Variants in FAM193A observed in about 807,000 individuals in gnomAD.
FAM193A encodes protein FAM193A.
A neutral mutation model predicts 126.5 loss-of-function variants in FAM193A; 22 were observed. The observed-to-expected ratio is 0.17, with a 90% CI of 0.12 to 0.25. The LOEUF is 0.25. Among genes scored for constraint, FAM193A ranks in the 10% least tolerant of loss-of-function variants. The pLI is 1.00. For synonymous variants in FAM193A, 761 were observed against 646.8 expected (o/e 1.18, Z -2.68); for missense variants, 1,675 against 1,672.8 (o/e 1.00, Z -0.02).
intron 14 of FAM193A, among the ~76,000 whole-genome samples, chr4:2,689,948 G>A (rs2857862): frequency 2.6e-5 from 4 of 152,214 alleles, no homozygotes; most frequent in Admixed American, 1.3e-4. Context: ...CCGTCAGCCC[G>A]GTGAGCCACA....
intron 13 of FAM193A, among the ~76,000 whole-genome samples, chr4:2,680,576 G>A (rs916511609): frequency 2.0e-5 from 3 of 151,958 alleles, no homozygotes; most frequent in African/African-American, 7.3e-5. Context: ...GGCTAAAGCA[G>A]TCCTACTACC....
chr4:2,535,496 A>G (rs1007555661), upstream of FAM193A, among the ~76,000 whole-genome samples: 1 of 152,138 alleles, frequency 6.6e-6, no homozygotes, highest in Non-Finnish European at 1.5e-5. Context: ...GGAACCAAAA[A>G]GGGGAAATCA....
rs766632159 is a variant in FAM193A, at chr4:2,608,742, A to G, written c.501+12413A>G. ...AGAAGAGAGGTGGGATGGCTGAGAC[A>G]TTTTTGCATAGACCTGCAAGGGGAC... On this transcript the variant is annotated intron_variant, in intron 2 of 20. Transcript: ENST00000637812. Among the ~76,000 whole-genome samples, 70 of 152,038 alleles carry G rather than the reference A, an allele frequency of 4.6e-4. 1 individual carries two copies. The highest frequency in any genetic ancestry group is 8.1e-4 in the Non-Finnish European group (55 of 68,006).
At position 2,646,758 on chromosome 4, in the gene FAM193A, G is replaced by A. The variant is rs201570058; in HGVS notation, c.1237G>A (p.Glu413Lys). Residue 413 changes from glutamate (E) to lysine (K), a missense_variant, in exon 7 of 21, where the codon GAG becomes AAG. By Grantham distance (56) the Glu-to-Lys change is moderately conservative. Around this residue, in one of 4 missense-constraint regions of FAM193A, gnomAD observed 1,186 missense variants for 1,109.2 expected, o/e 1.07. Coordinates refer to ENST00000637812, the MANE Select transcript of FAM193A (RefSeq NM_001366318.2). ...CTTGCTGCAGAGGTACCAGCGTTCC[G>A]AGGAGGAGCTGCGCAGAGTCGCCGA... ...STLLQRYQRS[E>K]EELRRVAEEW... The A allele has an allele frequency of 4.6e-5, 74 of 1,614,104 alleles. No individual in the cohort carries two copies. Among genetic ancestry groups the A allele is most frequent in the Middle Eastern group, 1.7e-4 (1 of 6,060 alleles).
At chr4:2,608,125 G>C (rs1293981453) in intron 2 of FAM193A, 23 of 1,606,114 alleles carry the variant, frequency 1.4e-5, no homozygotes, top group Non-Finnish European at 1.6e-5. Context: ...ATATCTCCTT[G>C]TAGATTGATC....
intron 1 of FAM193A, among the ~76,000 whole-genome samples, chr4:2,539,709 T>A (rs976414124): frequency 6.6e-6 from 1 of 152,144 alleles, no homozygotes; most frequent in Non-Finnish European, 1.5e-5. Flanking sequence ...ACCTGGCCTA[T>A]CAAGGTTTTT....
chr4:2,652,724 G>C (rs1247184366), intron 7 of FAM193A, among the ~76,000 whole-genome samples: 1 of 152,164 alleles, frequency 6.6e-6, no homozygotes, highest in African/African-American at 2.4e-5. Flanking sequence ...ATGAGATTTG[G>C]GCGGGGACAC....
Position 2,625,440 on chromosome 4 carries a change from C to CAT in FAM193A, c.635+46_635+47dup, listed in dbSNP as rs544261329. On this transcript the variant is annotated intron_variant, in intron 3 of 20. Coordinates refer to ENST00000637812, the MANE Select transcript of FAM193A (RefSeq NM_001366318.2). The stretch of plus-strand genomic sequence containing the variant: ...CGTTGCTCACACCTGTCCACAATGA[C>CAT]ATGCAGACCTGCATATTGGAGCTGG... 3.9e-4 allele frequency: 258 copies of CAT among 669,990 alleles called. 1 individual carries two copies. In the South Asian group the frequency reaches 3.9e-3, roughly 10 times the overall value. The allele number at this position is 669,990 out of a possible 1,614,324, so 41.5% of individuals were successfully genotyped here.
At chr4:2,662,069 GCTACTC>G (rs1242400257) in intron 10 of FAM193A, among the ~76,000 whole-genome samples, 10 of 152,100 alleles carry the variant, frequency 6.6e-5, no homozygotes, top group African/African-American at 2.4e-4. Flanking sequence ...TGTAGTCCCA[GCTACTC>G]GGGAGGCTGA....
At chr4:2,643,844 T>G (rs1309199901) in intron 6 of FAM193A, among the ~76,000 whole-genome samples, 1 of 152,150 alleles carries the variant, frequency 6.6e-6, no homozygotes, top group Non-Finnish European at 1.5e-5. Flanking sequence ...CGGGGGGTGT[T>G]TCTATCAGGG....
chr4:2,707,745 C>T (rs905683599), intron 19 of FAM193A, among the ~76,000 whole-genome samples: 5 of 143,396 alleles, frequency 3.5e-5, no homozygotes, highest in Non-Finnish European at 6.0e-5. Flanking sequence ...CAGAGTCTCA[C>T]TCCATCACCC....
Position 2,694,991 on chromosome 4 carries a change from C to G in FAM193A, c.3138C>G (p.Asp1046Glu). The G allele has an allele frequency of 3.1e-6, 5 of 1,606,774 alleles. No homozygotes were observed. Among genetic ancestry groups the G allele is most frequent in the Non-Finnish European group, 2.5e-6 (3 of 1,177,020 alleles). Residue 1046 changes from aspartate (D) to glutamate (E), a missense_variant, in exon 17 of 21, where the codon GAC becomes GAG. Coordinates refer to ENST00000637812, the MANE Select transcript of FAM193A (RefSeq NM_001366318.2). Reference sequence around the variant, plus strand: ...ACCGCTGCGAGAATGGTGTCTACGACCCACAGCAGGATGATGGGGACGAGA... The same window carrying G: ...ACCGCTGCGAGAATGGTGTCTACGAGCCACAGCAGGATGATGGGGACGAGA... ...EGHRCENGVY[D>E]PQQDDGDESA... is the part of the protein sequence containing the mutation.
chr4:2,587,984 G>C (rs1438931204), intron 1 of FAM193A, among the ~76,000 whole-genome samples: 1 of 152,222 alleles, frequency 6.6e-6, no homozygotes, highest in Admixed American at 6.5e-5. Context: ...CTAGTTGGAG[G>C]ACATTGGAGA....
chr4:2,561,272 C>T (rs1387815343), intron 1 of FAM193A, among the ~76,000 whole-genome samples: 1 of 151,788 alleles, frequency 6.6e-6, no homozygotes, highest in Non-Finnish European at 1.5e-5. Context: ...CCTCTGCCTT[C>T]CGGGTTCCAG....
rs1745196829 is a variant in FAM193A at position 2,646,839 on chromosome 4, G to A, written c.1311+7G>A. The A allele has an allele frequency of 6.2e-7, 1 of 1,609,416 alleles. No individual in the cohort carries two copies. The highest frequency in any genetic ancestry group is 1.3e-5 in the African/African-American group (1 of 74,950). On this transcript the variant is annotated splice_region_variant and intron_variant, in intron 7 of 20. Transcript: ENST00000637812. ...CGCCTATGTCGACGAGCAGGTGAGT[G>A]CCACCCGGGACCACCGCACCCCGCG...
intron 12 of FAM193A, among the ~76,000 whole-genome samples, chr4:2,668,968 G>C (rs1713474829): frequency 6.6e-6 from 1 of 152,076 alleles, no homozygotes; most frequent in Admixed American, 6.5e-5. Flanking sequence ...TCAGCCACCT[G>C]AGTAGCTGGG....
At chr4:2,576,799 G>T (rs1440659121) in intron 1 of FAM193A, among the ~76,000 whole-genome samples, 2 of 152,224 alleles carry the variant, frequency 1.3e-5, no homozygotes, top group African/African-American at 4.8e-5. Flanking sequence ...AGTAGGTGCT[G>T]TTGTTACCCC....
chr4:2,712,623 T>C (rs1261472690), intron 19 of FAM193A, among the ~76,000 whole-genome samples: 1 of 152,206 alleles, frequency 6.6e-6, no homozygotes, highest in African/African-American at 2.4e-5. Context: ...AACCTGAGGC[T>C]TGCTTTGTGA....
intron 1 of FAM193A, among the ~76,000 whole-genome samples, chr4:2,544,884 AAAG>A (rs1460017050): frequency 6.6e-6 from 1 of 152,068 alleles, no homozygotes; most frequent in Non-Finnish European, 1.5e-5. Flanking sequence ...AAAAAACAAA[AAAG>A]ACTATAGATA....
Sources: gnomAD v4.1 joint callset for allele counts (sites outside exome capture counted in the v4.1 genomes callset) on GRCh38, gnomAD v4.1.1 for gene constraint, gnomAD v4.1.1 regional missense constraint, MANE v1.5 for transcripts, NCBI Gene and HGNC (gene_info 2026-07-23, HGNC 2026-07-21) for gene names.